The following SHOC1 variants were observed in gnomAD, a reference collection of about 807,000 sequenced individuals.
The protein encoded by SHOC1 is shortage in chiasmata 1, also known as protein shortage in chiasmata 1 ortholog.
In SHOC1, 136 loss-of-function variants were observed where a neutral mutation model predicts 179.2. The observed-to-expected ratio is 0.76, with a 90% CI of 0.66 to 0.87. The LOEUF (loss-of-function observed/expected upper bound fraction) is 0.87, where lower values mean the gene tolerates loss of function less well. SHOC1 is among the 40% of genes least tolerant of loss of function. SHOC1 has a pLI of 0.00. For missense variants in SHOC1, 1,538 were observed against 1,700.8 expected (o/e 0.90, Z 1.68); for synonymous variants, 489 against 586.6 (o/e 0.83, Z 2.41).
chr9:111,701,101 A>G (rs1320946249), intron 23 of SHOC1, among the ~76,000 whole-genome samples: 1 of 152,190 alleles, frequency 6.6e-6, no homozygotes, highest in Non-Finnish European at 1.5e-5. Flanking sequence ...AGCCATGAAT[A>G]CAGCTATATA....
chr9:111,715,895 C>T (rs1317097381), intron 16 of SHOC1, among the ~76,000 whole-genome samples: 4 of 151,916 alleles, frequency 2.6e-5, no homozygotes, highest in Admixed American at 2.0e-4. Flanking sequence ...AGAAGAGAAA[C>T]GCTATTATTT....
intron 5 of SHOC1, among the ~76,000 whole-genome samples, chr9:111,759,930 C>T (rs765059849): frequency 3.3e-5 from 5 of 152,158 alleles, no homozygotes; most frequent in Non-Finnish European, 5.9e-5. Context: ...TCCTGACAAT[C>T]TCATGGCCAA....
chr9:111,695,787 T>C (rs1831661199), intron 24 of SHOC1, among the ~76,000 whole-genome samples: 1 of 152,214 alleles, frequency 6.6e-6, no homozygotes, highest in African/African-American at 2.4e-5. Flanking sequence ...TTTCAGGGAC[T>C]GAGAATTACT....
rs190576856 is a variant in SHOC1 at position 111,751,171 on chromosome 9, T to C, written c.863-2972A>G. ...GATGGTTGTAGGTGTGTGGTCTTAT[T>C]TGAGTTCTCTATTCTGTTCCATTGG... On this transcript the variant is annotated intron_variant, in intron 8 of 27. Transcript: ENST00000682961. Among the ~76,000 whole-genome samples the C allele has an allele frequency of 1.9e-3, 289 of 152,266 alleles. 2 individuals are homozygous for C. Among genetic ancestry groups the C allele is most frequent in the Middle Eastern group, 0.01 (3 of 294 alleles).
At chr9:111,750,004 T>C (rs774857069) in intron 8 of SHOC1, among the ~76,000 whole-genome samples, 2 of 152,210 alleles carry the variant, frequency 1.3e-5, no homozygotes, top group Non-Finnish European at 2.9e-5. Context: ...TCTATCTTTA[T>C]AATAGGATAA....
Position 111,727,759 on chromosome 9 carries a change from C to G in SHOC1, c.1708G>C (p.Ala570Pro). 2 of 1,613,336 alleles carry G rather than the reference C, an allele frequency of 1.2e-6. No individual in the cohort carries two copies. Among genetic ancestry groups the G allele is most frequent in the Non-Finnish European group, 1.7e-6 (2 of 1,179,628 alleles). The change falls in exon 13 of 28, where the codon GCA becomes CCA. Residue 570 changes from alanine (A) to proline (P), a missense_variant. Transcript: ENST00000682961. The stretch of plus-strand genomic sequence containing the variant: ...TGTTTTTTGCCATGTTCAAAAGATG[C>G]TTTTTTAATTATTGAAGAGGAAGGT... ...KSPSSSIIKKASFEHGKKQEN... is the reference protein window; with the variant it reads ...KSPSSSIIKKPSFEHGKKQEN...
At position 111,686,801 on chromosome 9, in the gene SHOC1, A is replaced by G. The variant is rs756074045; in HGVS notation, c.4496T>C (p.Val1499Ala). The change falls in exon 28 of 28, where the codon GTT becomes GCT. Residue 1499 changes from valine (V) to alanine (A), a missense_variant. Transcript: ENST00000682961. ...RLAYEKVPGRVDGQTRLRFF is the reference protein window; with the variant it reads ...RLAYEKVPGRADGQTRLRFF ...AAACCTCAGCCGAGTCTGCCCATCAACTCTACCAGGGACTTTTTCATATGC... is the reference window on the plus strand; with the variant it reads ...AAACCTCAGCCGAGTCTGCCCATCAGCTCTACCAGGGACTTTTTCATATGC... The G allele has an allele frequency of 8.7e-6, 14 of 1,613,500 alleles. No individual in the cohort carries two copies. Among genetic ancestry groups the G allele is most frequent in the South Asian group, 1.1e-5 (1 of 91,054 alleles).
intron 27 of SHOC1, among the ~76,000 whole-genome samples, chr9:111,691,110 C>T (rs1438827108): frequency 6.6e-6 from 1 of 152,210 alleles, no homozygotes; most frequent in Non-Finnish European, 1.5e-5. Flanking sequence ...GCTAATAATA[C>T]TGCCTATTTA....
intron 4 of SHOC1, among the ~76,000 whole-genome samples, chr9:111,779,758 A>G (rs1835967310): frequency 6.6e-6 from 1 of 152,120 alleles, no homozygotes. Flanking sequence ...CTCAGGCTCC[A>G]AAACAGACTA....
chr9:111,790,558 T>A (rs527265647), intron 2 of SHOC1, among the ~76,000 whole-genome samples: 2 of 152,228 alleles, frequency 1.3e-5, no homozygotes, highest in Non-Finnish European at 2.9e-5. Flanking sequence ...AGTGGCTTTT[T>A]TTTTGAGACG....
chr9:111,686,626 A>G lies in SHOC1; in HGVS notation c.*144T>C, dbSNP rs574001589. On this transcript the variant is annotated 3_prime_UTR_variant, in exon 28 of 28. Coordinates refer to ENST00000682961, the MANE Select transcript of SHOC1 (RefSeq NM_001378211.1). ...ATGCAAACCATAGGGCAGAATACAT[A>G]TTATGAATATTTAATACAGAAATAC... 24 of 570,314 alleles carry G rather than the reference A, an allele frequency of 4.2e-5. No individual in the cohort carries two copies. The East Asian group carries it at 7.0e-4, about 17-fold the overall frequency. The allele number at this position is 570,314 out of a possible 1,614,324, so 35.3% of individuals were successfully genotyped here. A position where few individuals can be genotyped will look rare whatever the true frequency, so the allele number is the denominator to read the frequency against.
chr9:111,717,540 CA>C (rs1444746837), intron 16 of SHOC1, among the ~76,000 whole-genome samples: 1 of 147,126 alleles, frequency 6.8e-6, no homozygotes, highest in African/African-American at 2.5e-5. Flanking sequence ...TTGCAGGTTG[CA>C]GTGAGATCAC....
intron 18 of SHOC1, among the ~76,000 whole-genome samples, chr9:111,708,992 G>T (rs576073731): frequency 1.3e-5 from 2 of 152,322 alleles, no homozygotes; most frequent in South Asian, 4.1e-4. Context: ...TTCTGGTAGT[G>T]ATAAGAAGTG....
intron 12 of SHOC1, among the ~76,000 whole-genome samples, chr9:111,732,818 C>T (rs778416380): frequency 5.9e-5 from 9 of 152,088 alleles, no homozygotes; most frequent in Non-Finnish European, 1.2e-4. Flanking sequence ...CATAAAGAAA[C>T]GTTTTTATGA....
chr9:111,724,035 A>G, intron 13 of SHOC1, 124 bp from the exon 14 acceptor site: 1 of 694,842 alleles, frequency 1.4e-6, no homozygotes, highest in Non-Finnish European at 2.3e-6. Flanking sequence ...ACACATCAGT[A>G]TTAAAGTGAA....
chr9:111,788,284 T>C (rs1411213864), intron 2 of SHOC1, among the ~76,000 whole-genome samples: 5 of 151,396 alleles, frequency 3.3e-5, no homozygotes, highest in Non-Finnish European at 1.5e-5. Context: ...GTAGCTGGGA[T>C]TACAAGCGCC....
At chr9:111,756,609 A>C in intron 7 of SHOC1, 131 bp from the exon 8 acceptor site, 1 of 718,082 alleles carries the variant, frequency 1.4e-6, no homozygotes, top group Non-Finnish European at 2.3e-6. Flanking sequence ...AAATTGTTAA[A>C]GCTATATATA....
At chr9:111,772,012 C>T (rs554700378) in intron 5 of SHOC1, among the ~76,000 whole-genome samples, 1 of 152,058 alleles carries the variant, frequency 6.6e-6, no homozygotes, top group South Asian at 2.1e-4. Context: ...TTGCTCAGCT[C>T]CCTTTTGAAC....
chr9:111,700,970 T>C (rs1176366702), intron 23 of SHOC1, among the ~76,000 whole-genome samples: 1 of 152,208 alleles, frequency 6.6e-6, no homozygotes, highest in Non-Finnish European at 1.5e-5. Context: ...ATGACTCTAC[T>C]AGGAGAGGAC....
Sources: gnomAD v4.1 joint callset for allele counts (sites outside exome capture counted in the v4.1 genomes callset) on GRCh38, gnomAD v4.1.1 for gene constraint, MANE v1.5 for transcripts, NCBI Gene and HGNC (gene_info 2026-07-23, HGNC 2026-07-21) for gene names.